CLIC5: variants seen among roughly 807,000 people sequenced by gnomAD.
CLIC5 encodes the protein CLIC family member 5.
A neutral mutation model predicts 24.7 loss-of-function variants in CLIC5; 20 were observed. The observed-to-expected ratio is 0.81, with a 90% CI of 0.57 to 1.18. CLIC5 has a LOEUF of 1.18. Among genes scored for constraint, CLIC5 ranks in the 50% most tolerant of loss-of-function variants. The pLI is 0.00. For missense variants in CLIC5, 341 were observed against 326.1 expected (o/e 1.05, Z -0.35); for synonymous variants, 159 against 135.6 (o/e 1.17, Z -1.20).
intron 4 of CLIC5, among the ~76,000 whole-genome samples, chr6:45,925,596 T>C (rs1232241337): frequency 6.6e-6 from 1 of 152,224 alleles, no homozygotes; most frequent in Admixed American, 6.5e-5. Context: ...ATTACAGGCA[T>C]GAGCCGTCGC....
chr6:46,009,952 G>C (rs1485144432), intron 1 of CLIC5, among the ~76,000 whole-genome samples: 1 of 152,158 alleles, frequency 6.6e-6, no homozygotes, highest in African/African-American at 2.4e-5. Flanking sequence ...ATGGGCTCTA[G>C]TGGGCTCCAG....
At chr6:46,106,755 G>A in the CLIC5 span, among the ~76,000 whole-genome samples, 11 of 152,078 alleles carry the variant, frequency 7.2e-5, no homozygotes, top group Non-Finnish European at 1.5e-4. Context: ...CAAACTCCTC[G>A]AAAAAGCTAA....
chr6:45,919,062 C>T, intron 4 of CLIC5: 1 of 985,478 alleles, frequency 1.0e-6, no homozygotes, highest in Non-Finnish European at 1.2e-6. Context: ...TTACAAGCTC[C>T]TAACCTCTGG....
chr6:46,088,565 T>C, the CLIC5 span, among the ~76,000 whole-genome samples: 1 of 152,194 alleles, frequency 6.6e-6, no homozygotes, highest in Non-Finnish European at 1.5e-5. Context: ...TACCCAAAGA[T>C]AATTATGTTA....
chr6:46,095,636 A>T, the CLIC5 span, among the ~76,000 whole-genome samples: 1 of 152,208 alleles, frequency 6.6e-6, no homozygotes, highest in African/African-American at 2.4e-5. Context: ...TAAGTTTCTC[A>T]TCTCCATCTG....
At chr6:46,126,224 T>A in the CLIC5 span, among the ~76,000 whole-genome samples, 1 of 152,182 alleles carries the variant, frequency 6.6e-6, no homozygotes, top group Non-Finnish European at 1.5e-5. Context: ...TTGGAGGAAT[T>A]GCCAGAAGGA....
chr6:45,966,666 T>C (rs935616040), intron 1 of CLIC5, among the ~76,000 whole-genome samples: 3 of 152,106 alleles, frequency 2.0e-5, no homozygotes, highest in Admixed American at 6.6e-5. Context: ...TGTTTCCTTT[T>C]TCCTTACCTA....
chr6:46,122,120 A>AAT, the CLIC5 span, among the ~76,000 whole-genome samples: 2 of 152,324 alleles, frequency 1.3e-5, no homozygotes, highest in South Asian at 4.1e-4. Context: ...AAATCAACAG[A>AAT]ATATACATTC....
Position 45,902,879 on chromosome 6 carries a change from C to T in CLIC5, c.*209G>A. The stretch of plus-strand genomic sequence containing the variant: ...CGGCCGAAAGGTGGACTGTGTCTAT[C>T]ATTTCTGCTAGATTCCTATGTGAGG... On this transcript the variant is annotated 3_prime_UTR_variant, in exon 6 of 6. Coordinates refer to ENST00000339561, the MANE Select transcript of CLIC5 (RefSeq NM_016929.5). The T allele has an allele frequency of 1.7e-6, 1 of 582,368 alleles. No individual in the cohort carries two copies. The highest frequency in any genetic ancestry group is 3.1e-5 in the East Asian group (1 of 32,630). The allele number at this position is 582,368 out of a possible 1,614,324, so 36.1% of individuals were successfully genotyped here.
At chr6:46,088,812 C>G in the CLIC5 span, among the ~76,000 whole-genome samples, 3 of 152,140 alleles carry the variant, frequency 2.0e-5, no homozygotes, top group Non-Finnish European at 4.4e-5. Flanking sequence ...AGCCAAATGA[C>G]TTTTTAAAAG....
upstream of CLIC5, among the ~76,000 whole-genome samples, chr6:46,019,676 G>C (rs1767119682): frequency 7.0e-5 from 9 of 129,094 alleles, no homozygotes; most frequent in South Asian, 1.9e-3. Context: ...CTGGGCGACA[G>C]AGCGAGACTC....
chr6:45,997,549 G>T (rs1766195098), intron 1 of CLIC5, among the ~76,000 whole-genome samples: 1 of 151,462 alleles, frequency 6.6e-6, no homozygotes, highest in South Asian at 2.1e-4. Context: ...CTTGGCTTCT[G>T]CCTTGAAGAT....
the CLIC5 span, among the ~76,000 whole-genome samples, chr6:46,101,617 T>C: frequency 6.6e-6 from 1 of 152,150 alleles, no homozygotes; most frequent in African/African-American, 2.4e-5. Flanking sequence ...AACTGGCTTG[T>C]GTGGAGATTT....
chr6:46,104,157 T>G, the CLIC5 span, among the ~76,000 whole-genome samples: 527 of 152,308 alleles, frequency 3.5e-3, 3 homozygotes, highest in African/African-American at 0.012. Context: ...TATTCATATT[T>G]AATCCCTTTT....
In CLIC5 at chr6:45,922,307, C is replaced by T. The variant is rs1164811512; in HGVS notation, c.407-7898G>A. On this transcript the variant is annotated intron_variant, in intron 4 of 5. Transcript: ENST00000339561. ...GATATAGGACACTGTTGGTTGCCCACCCTCCTCTGTGGTGGGGAGAATGGG... is the reference window on the plus strand; with the variant it reads ...GATATAGGACACTGTTGGTTGCCCATCCTCCTCTGTGGTGGGGAGAATGGG... Among the ~76,000 whole-genome samples the T allele has an allele frequency of 3.3e-5, 5 of 152,160 alleles. No individual in the cohort carries two copies. In the South Asian group the frequency reaches 1.0e-3, roughly 32 times the overall value.
chr6:46,015,442 G>T (rs1247730720), intron 1 of CLIC5, 38 bp downstream of exon 1: 1 of 1,476,776 alleles, frequency 6.8e-7, no homozygotes, highest in Non-Finnish European at 9.0e-7. Context: ...CCGGCGGGAG[G>T]CGCGGCAGGT....
the CLIC5 span, among the ~76,000 whole-genome samples, chr6:46,086,721 T>C: frequency 6.6e-6 from 1 of 152,168 alleles, no homozygotes; most frequent in African/African-American, 2.4e-5. Context: ...CAGAAAACCA[T>C]TTCTAGTAGC....
At chr6:45,921,429 A>G (rs1763255551) in intron 4 of CLIC5, among the ~76,000 whole-genome samples, 1 of 152,338 alleles carries the variant, frequency 6.6e-6, no homozygotes, top group South Asian at 2.1e-4. Flanking sequence ...GCAGAGCAGC[A>G]CATTCACTCT....
In CLIC5 at chr6:45,903,008, T is replaced by A; in HGVS notation, c.*80A>T. ...TAAAAAGTGCGCCTCAAGGCAGTGA[T>A]ACAGAGGAGTCTATGAAGCTGGAGT... On this transcript the variant is annotated 3_prime_UTR_variant, in exon 6 of 6. Transcript: ENST00000339561. The A allele has an allele frequency of 6.7e-7, 1 of 1,501,740 alleles. No homozygotes were observed. 93.0% of individuals were successfully genotyped at this position (1,501,740 alleles called of 1,614,324 possible).
Sources: allele counts gnomAD v4.1 joint callset (sites outside exome capture counted in the v4.1 genomes callset), GRCh38; gene constraint gnomAD v4.1.1; transcripts MANE v1.5; gene names NCBI Gene and HGNC (gene_info 2026-07-23, HGNC 2026-07-21).